The following MEGF6 variants were observed in gnomAD, a reference collection of about 807,000 sequenced individuals.
The protein encoded by MEGF6 is multiple epidermal growth factor-like domains protein 6.
A neutral mutation model predicts 207.1 loss-of-function variants in MEGF6; 184 were observed. The observed-to-expected ratio is 0.89, with a 90% CI of 0.79 to 1.00. The LOEUF is 1.00. Among genes scored for constraint, MEGF6 ranks in the 50% least tolerant of loss-of-function variants. The pLI, the probability that MEGF6 is intolerant of heterozygous loss-of-function variation, is 0.00. For missense variants in MEGF6, 2,282 were observed against 2,202.9 expected (o/e 1.04, Z -0.72); for synonymous variants, 1,038 against 910.0 (o/e 1.14, Z -2.53).
the MEGF6 span, among the ~76,000 whole-genome samples, chr1:3,622,685 G>C: frequency 1.3e-5 from 2 of 152,196 alleles, no homozygotes; most frequent in Non-Finnish European, 2.9e-5. Flanking sequence ...GGCAGAGCAA[G>C]ACATGCGTCA....
At chr1:3,610,635 C>T (rs1246315353) in intron 1 of MEGF6, among the ~76,000 whole-genome samples, 1 of 152,272 alleles carries the variant, frequency 6.6e-6, no homozygotes, top group Non-Finnish European at 1.5e-5. Flanking sequence ...CATTCTGGCA[C>T]TCAGTTCCTT....
intron 5 of MEGF6, among the ~76,000 whole-genome samples, chr1:3,516,872 C>T (rs1641560485): frequency 6.6e-6 from 1 of 152,188 alleles, no homozygotes; most frequent in South Asian, 2.1e-4. Context: ...GCTCTGTCTC[C>T]TGCCCCACGT....
rs116783826 is a variant in MEGF6, at chr1:3,606,993, A to T, written c.131+4145T>A. On this transcript the variant is annotated intron_variant, in intron 1 of 36. Coordinates refer to ENST00000356575, the MANE Select transcript of MEGF6 (RefSeq NM_001409.4). ...GGGGCCTGCTGTGCAGCCTGGAGTC[A>T]CTGACCATCTCTGAGCCCTCAATTC... is the stretch of plus-strand genomic sequence containing the variant. 8.6e-3 allele frequency among the ~76,000 whole-genome samples: 1,303 copies of T among 152,096 alleles called. 19 individuals carry two copies. Among genetic ancestry groups the T allele is most frequent in the African/African-American group, 0.029 (1,224 of 41,506 alleles).
In MEGF6 at chr1:3,494,682, C is replaced by T. The variant is rs867552575; in HGVS notation, c.3931G>A (p.Gly1311Ser). Residue 1311 changes from glycine to serine, a missense_variant, in exon 31 of 37, where the codon GGC becomes AGC. Transcript: ENST00000356575. ...CTGCCGTTGCTGGCGTGGCACAGGC[C>T]CCCATTTCTGCAGGAGCAGGTGTGC... Reference protein sequence around the residue: ...CEHTCSCRNGGLCHASNGSCS... With the variant: ...CEHTCSCRNGSLCHASNGSCS... 1 of 1,575,430 alleles carries T rather than the reference C, an allele frequency of 6.3e-7. No homozygotes were observed. The highest frequency in any genetic ancestry group is 1.2e-5 in the South Asian group (1 of 85,924).
intron 26 of MEGF6, 77 bp downstream of exon 26, chr1:3,498,294 C>T: frequency 6.7e-7 from 1 of 1,503,588 alleles, no homozygotes; most frequent in Middle Eastern, 2.4e-4. Flanking sequence ...GGGCACAGTC[C>T]TCAGCCCTGC....
intron 12 of MEGF6, 88 bp downstream of exon 12, chr1:3,508,987 G>T (rs1641224611): frequency 3.6e-6 from 5 of 1,383,304 alleles, no homozygotes; most frequent in Non-Finnish European, 3.8e-6. Flanking sequence ...CACGTCCCCA[G>T]CCTCTGATTG....
At chr1:3,501,704 C>T (rs992487168) in intron 18 of MEGF6, 92 bp downstream of exon 18, 7 of 1,486,952 alleles carry the variant, frequency 4.7e-6, no homozygotes, top group Non-Finnish European at 6.3e-6. Flanking sequence ...GGCCTGGGAT[C>T]CGCAGGGCTG....
chr1:3,574,413 T>TC (rs1643586713), intron 4 of MEGF6, among the ~76,000 whole-genome samples: 1 of 151,680 alleles, frequency 6.6e-6, no homozygotes, highest in South Asian at 2.1e-4. Flanking sequence ...TCCCAAACCT[T>TC]CCCCAGCCCA....
At chr1:3,498,275 C>T in intron 26 of MEGF6, 96 bp downstream of exon 26, 5 of 1,426,752 alleles carry the variant, frequency 3.5e-6, no homozygotes, top group Non-Finnish European at 4.6e-6. Context: ...CCTGGTGAGG[C>T]CCCAAACCGG....
rs763954581 is a variant in MEGF6 at position 3,509,274 on chromosome 1, C to G, written c.1358-29G>C. The G allele has an allele frequency of 2.3e-5, 32 of 1,411,978 alleles. 1 individual carries two copies. The South Asian group carries it at 4.9e-4, about 22-fold the overall frequency. The allele number at this position is 1,411,978 out of a possible 1,614,324, so 87.5% of individuals were successfully genotyped here. A position where few individuals can be genotyped will look rare whatever the true frequency, so the allele number is the denominator to read the frequency against. On this transcript the variant is annotated intron_variant, in intron 11 of 36. Coordinates refer to ENST00000356575, the MANE Select transcript of MEGF6 (RefSeq NM_001409.4). ...CCAGGGGCACAGAGGCGCCTTAGCC[C>G]CTGCCACCCACCTGCCTGCTCCAGC...
At chr1:3,537,371 T>C (rs1642364418) in intron 4 of MEGF6, among the ~76,000 whole-genome samples, 1 of 152,206 alleles carries the variant, frequency 6.6e-6, no homozygotes, top group African/African-American at 2.4e-5. Flanking sequence ...TCAGAGAAGC[T>C]ACCGGGAGCC....
chr1:3,536,291 T>A (rs1179748611), intron 4 of MEGF6, among the ~76,000 whole-genome samples: 2 of 152,198 alleles, frequency 1.3e-5, no homozygotes, highest in Non-Finnish European at 2.9e-5. Flanking sequence ...TTTAGTTTTT[T>A]ATGCAACAAC....
chr1:3,520,512 G>A (rs909751764), intron 5 of MEGF6, among the ~76,000 whole-genome samples: 28 of 152,268 alleles, frequency 1.8e-4, no homozygotes, highest in Admixed American at 1.6e-3. Flanking sequence ...CCCCACCCTC[G>A]GGCCTCACTA....
At position 3,556,407 on chromosome 1, in the gene MEGF6, T is replaced by C. The variant is rs1374657831; in HGVS notation, c.481+23418A>G. ...GGCGCATCCAAAACCGCCGGCTGGC[T>C]GAACCAAATTGGCCCGGGACCTCCT... On this transcript the variant is annotated intron_variant, in intron 4 of 36. Coordinates refer to ENST00000356575, the MANE Select transcript of MEGF6 (RefSeq NM_001409.4). The surrounding 1 kb of genome is among the most constrained non-coding windows in gnomAD (Gnocchi z 4.4). Among the ~76,000 whole-genome samples, 1 of 152,220 alleles carries C rather than the reference T, an allele frequency of 6.6e-6. No homozygotes were observed. The highest frequency in any genetic ancestry group is 1.5e-5 in the Non-Finnish European group (1 of 68,044).
chr1:3,488,586 G>T lies in MEGF6; in HGVS notation c.*1942C>A, dbSNP rs1640233397. Among the ~76,000 whole-genome samples the T allele has an allele frequency of 6.6e-6, 1 of 152,242 alleles. No individual in the cohort carries two copies. The highest frequency in any genetic ancestry group is 2.4e-5 in the African/African-American group (1 of 41,462). Reference sequence around the variant, plus strand: ...TAGAAAAATGGCCGAGGCCTTGAAGGCCTAAGAATAACATGGACTTTGCAT... The same window carrying T: ...TAGAAAAATGGCCGAGGCCTTGAAGTCCTAAGAATAACATGGACTTTGCAT... On this transcript the variant is annotated 3_prime_UTR_variant, in exon 37 of 37. Coordinates refer to ENST00000356575, the MANE Select transcript of MEGF6 (RefSeq NM_001409.4).
At chr1:3,552,294 C>A (rs1025271511) in intron 4 of MEGF6, among the ~76,000 whole-genome samples, 2 of 152,204 alleles carry the variant, frequency 1.3e-5, no homozygotes, top group African/African-American at 4.8e-5. Flanking sequence ...GGGGACATGG[C>A]GAGGGCAGGT....
Position 3,602,510 on chromosome 1 carries a change from C to T in MEGF6, c.222G>A (p.Lys74=). The change falls in exon 2 of 37, where the codon AAG becomes AAA. Residue 74 remains lysine (K), a synonymous_variant. Coordinates refer to ENST00000356575, the MANE Select transcript of MEGF6 (RefSeq NM_001409.4). ...ACCACGCCTGCCACCCACAGCCGGC[C>T]TTCCACACCGGCACCGTGTGGCTTA... is the stretch of plus-strand genomic sequence containing the variant. ...QALSHTVPVW[K]AGCGWQAWCV... 1 of 1,613,350 alleles carries T rather than the reference C, an allele frequency of 6.2e-7. No homozygotes were observed. Among genetic ancestry groups the T allele is most frequent in the Non-Finnish European group, 8.5e-7 (1 of 1,179,906 alleles).
chr1:3,580,530 C>A (rs1643770100), intron 3 of MEGF6, among the ~76,000 whole-genome samples: 1 of 151,690 alleles, frequency 6.6e-6, no homozygotes, highest in Non-Finnish European at 1.5e-5. Flanking sequence ...GAGGCCACAG[C>A]TGGACCTGAG....
At chr1:3,515,320 C>T in intron 6 of MEGF6, 82 bp downstream of exon 6, 2 of 1,496,872 alleles carry the variant, frequency 1.3e-6, no homozygotes, top group East Asian at 2.5e-5. Flanking sequence ...TCCTGAAGAC[C>T]CACTTCCACC....
Sources: allele counts gnomAD v4.1 joint callset (sites outside exome capture counted in the v4.1 genomes callset), GRCh38; gene constraint gnomAD v4.1.1; non-coding constraint Gnocchi (gnomAD v3.1); transcripts MANE v1.5; gene names NCBI Gene and HGNC (gene_info 2026-07-23, HGNC 2026-07-21).